The following MRPL15 variants were observed in gnomAD, a reference collection of about 807,000 sequenced individuals.
MRPL15 encodes mitochondrial ribosomal protein L15, also known as large ribosomal subunit protein uL15m.
Under a neutral mutation model 28.0 loss-of-function variants are expected in MRPL15, and 24 were observed. The observed-to-expected ratio is 0.86, with a 90% CI of 0.62 to 1.21. The LOEUF is 1.21. Among genes scored for constraint, MRPL15 ranks in the 50% most tolerant of loss-of-function variants. The pLI is 0.00. For synonymous variants in MRPL15, 124 were observed against 137.0 expected (o/e 0.90, Z 0.66); for missense variants, 343 against 372.4 (o/e 0.92, Z 0.65).
chr8:54,142,654 A>G lies in MRPL15; in HGVS notation c.430-9A>G, dbSNP rs763752575. The G allele has an allele frequency of 3.7e-6, 6 of 1,611,242 alleles. No homozygotes were observed. Among genetic ancestry groups the G allele is most frequent in the South Asian group, 1.1e-5 (1 of 90,044 alleles). On this transcript the variant is annotated splice_polypyrimidine_tract_variant and intron_variant, in intron 3 of 4. Transcript: ENST00000260102. ...CTGTTTACCAACAGACTGTTTTGAC[A>G]TATTTCAGGGTGCTGACACCTTTAC...
intron 3 of MRPL15, among the ~76,000 whole-genome samples, chr8:54,141,075 A>G (rs1338572971): frequency 1.3e-5 from 2 of 152,166 alleles, no homozygotes; most frequent in East Asian, 1.9e-4. Flanking sequence ...TCCAGCCTGC[A>G]TATTCCCCTG....
At position 54,136,371 on chromosome 8, in the gene MRPL15, A is replaced by G. The variant is rs575413906; in HGVS notation, c.109-140A>G. On this transcript the variant is annotated intron_variant, in intron 1 of 4. Transcript: ENST00000260102. ...TAACAGAGTGTGTGGAGCTTTGAGC[A>G]ACTAGGACATGCTTGACACAATAGT... 2.1e-5 allele frequency: 18 copies of G among 859,272 alleles called. No individual in the cohort carries two copies. In the South Asian group the frequency reaches 3.3e-4, roughly 16 times the overall value. The allele number at this position is 859,272 out of a possible 1,614,324, so 53.2% of individuals were successfully genotyped here. A position where few individuals can be genotyped will look rare whatever the true frequency, so the allele number is the denominator to read the frequency against.
At chr8:54,139,662 A>C (rs1289966186) in intron 3 of MRPL15, among the ~76,000 whole-genome samples, 2 of 152,234 alleles carry the variant, frequency 1.3e-5, no homozygotes, top group Non-Finnish European at 2.9e-5. Context: ...AGTAATTGCA[A>C]TGACACATTA....
At chr8:54,139,639 A>G (rs1810886539) in intron 3 of MRPL15, among the ~76,000 whole-genome samples, 1 of 152,170 alleles carries the variant, frequency 6.6e-6, no homozygotes, top group Non-Finnish European at 1.5e-5. Flanking sequence ...ACTTTACCCC[A>G]GGGCACTGGT....
At position 54,136,674 on chromosome 8, in the gene MRPL15, G is replaced by T; in HGVS notation, c.263+9G>T. On this transcript the variant is annotated intron_variant, in intron 2 of 4. Coordinates refer to ENST00000260102, the MANE Select transcript of MRPL15 (RefSeq NM_014175.4). Reference sequence around the variant, plus strand: ...TTTAACGAAGGACATAGGTAAGGTTGCTTTGCTTTTTAAAGTACAGGTCCC... The same window carrying T: ...TTTAACGAAGGACATAGGTAAGGTTTCTTTGCTTTTTAAAGTACAGGTCCC... The T allele has an allele frequency of 1.2e-6, 2 of 1,605,972 alleles. No individual in the cohort carries two copies. Among genetic ancestry groups the T allele is most frequent in the Non-Finnish European group, 1.7e-6 (2 of 1,175,536 alleles).
At position 54,148,414 on chromosome 8, in the gene MRPL15, T is replaced by G. The variant is rs1320161504; in HGVS notation, c.*695T>G. Among the ~76,000 whole-genome samples the G allele has an allele frequency of 6.6e-6, 1 of 152,246 alleles. No homozygotes were observed. Among genetic ancestry groups the G allele is most frequent in the Non-Finnish European group, 1.5e-5 (1 of 68,038 alleles). On this transcript the variant is annotated 3_prime_UTR_variant, in exon 5 of 5. Transcript: ENST00000260102. ...CCTTTTGTTCTCTGACCTGGGGTTC[T>G]TGGCCTCACGGATTCCAAAGAATGG...
Position 54,147,686 on chromosome 8 carries a change from A to G in MRPL15, c.858A>G (p.Thr286=). Reference sequence around the variant, plus strand: ...CCGATAAGAAAATCCTAAAACCTACAGATGAAAATCTCCTTAAGTATTATA... The same window carrying G: ...CCGATAAGAAAATCCTAAAACCTACGGATGAAAATCTCCTTAAGTATTATA... The part of the protein sequence containing the change: ...NMADKKILKP[T]DENLLKYYTS The change falls in exon 5 of 5, where the codon ACA becomes ACG. Residue 286 remains threonine (T), a synonymous_variant. Transcript: ENST00000260102. 1 of 1,613,608 alleles carries G rather than the reference A, an allele frequency of 6.2e-7. No individual in the cohort carries two copies.
At chr8:54,136,787 G>A (rs1179596105) in intron 2 of MRPL15, 122 bp downstream of exon 2, 7 of 1,233,302 alleles carry the variant, frequency 5.7e-6, no homozygotes, top group Admixed American at 2.7e-5. Flanking sequence ...TTTTGCTACT[G>A]TTCCCCTGAA....
At chr8:54,142,884 T>A (rs977768923) in intron 4 of MRPL15, 98 bp downstream of exon 4, 1 of 1,484,200 alleles carries the variant, frequency 6.7e-7, no homozygotes, top group African/African-American at 1.4e-5. Flanking sequence ...TGGTAGTAGT[T>A]TGGATGTAGT....
chr8:54,140,327 G>A (rs1197965612), intron 3 of MRPL15, among the ~76,000 whole-genome samples: 1 of 151,670 alleles, frequency 6.6e-6, no homozygotes, highest in African/African-American at 2.4e-5. Flanking sequence ...GCACAATCTC[G>A]ACTCACTGCA....
At chr8:54,141,854 A>ATT (rs11438921) in intron 3 of MRPL15, among the ~76,000 whole-genome samples, 41,790 of 139,852 alleles carry the variant, frequency 0.3, 7,998 homozygotes, top group East Asian at 0.72. Context: ...TGTTGTATTG[A>ATT]TTTTTTTTTT....
Position 54,147,847 on chromosome 8 carries a change from A to G in MRPL15, c.*128A>G. The G allele has an allele frequency of 1.3e-6, 1 of 784,120 alleles. No individual in the cohort carries two copies. Among genetic ancestry groups the G allele is most frequent in the Non-Finnish European group, 2.0e-6 (1 of 510,186 alleles). 48.6% of individuals were successfully genotyped at this position (784,120 alleles called of 1,614,324 possible). A position where few individuals can be genotyped will look rare whatever the true frequency, so the allele number is the denominator to read the frequency against. ...TGATGTTACTTTTCAGTGTACTCAT[A>G]TGTCTCATTTTCATCTAAAATTAAA... On this transcript the variant is annotated 3_prime_UTR_variant, in exon 5 of 5. Transcript: ENST00000260102.
chr8:54,147,093 G>T (rs953014470), intron 4 of MRPL15, among the ~76,000 whole-genome samples: 1 of 152,068 alleles, frequency 6.6e-6, no homozygotes, highest in Non-Finnish European at 1.5e-5. Flanking sequence ...TGATCCGGGC[G>T]TGGCGGCATG....
Position 54,147,728 on chromosome 8 carries a change from C to A in MRPL15, c.*9C>A. ...AGTATTATACCTCATGAATTCCCGT[C>A]CAAGGAAGCAGAGTTGTTAAAGAGT... On this transcript the variant is annotated 3_prime_UTR_variant, in exon 5 of 5. Transcript: ENST00000260102. 6.3e-7 allele frequency: 1 copy of A among 1,592,644 alleles called. No individual in the cohort carries two copies. Among genetic ancestry groups the A allele is most frequent in the South Asian group, 1.1e-5 (1 of 87,998 alleles).
At chr8:54,140,550 C>A (rs1001921941) in intron 3 of MRPL15, among the ~76,000 whole-genome samples, 1 of 146,904 alleles carries the variant, frequency 6.8e-6, no homozygotes, top group African/African-American at 2.5e-5. Flanking sequence ...TCACCGCACC[C>A]GGCCTAGAAC....
chr8:54,145,122 TA>T (rs1313931461), intron 4 of MRPL15, among the ~76,000 whole-genome samples: 1 of 152,216 alleles, frequency 6.6e-6, no homozygotes, highest in Non-Finnish European at 1.5e-5. Context: ...TCTTTTTGTT[TA>T]AAAAAGTAAT....
At chr8:54,135,567 GTTCT>G (rs1810813909) in intron 1 of MRPL15, among the ~76,000 whole-genome samples, 176 bp downstream of exon 1, 1 of 121,330 alleles carries the variant, frequency 8.2e-6, no homozygotes. Flanking sequence ...CGTGCACCCA[GTTCT>G]TTTTTTTTTT....
chr8:54,147,545 G>A lies in MRPL15; in HGVS notation c.717G>A (p.Lys239=), dbSNP rs1368075682. Residue 239 remains lysine (K), a synonymous_variant, in exon 5 of 5, where the codon AAG becomes AAA. Coordinates refer to ENST00000260102, the MANE Select transcript of MRPL15 (RefSeq NM_014175.4). ...FPEARLELAR[K]YGYILPDITK... ...AAGCACGACTTGAACTCGCCAGGAA[G>A]TATGGTTATATCTTACCTGATATCA... 6.2e-7 allele frequency: 1 copy of A among 1,614,182 alleles called. No homozygotes were observed. The highest frequency in any genetic ancestry group is 1.3e-5 in the African/African-American group (1 of 75,052).
At chr8:54,143,792 C>T (rs1810971621) in intron 4 of MRPL15, among the ~76,000 whole-genome samples, 1 of 152,222 alleles carries the variant, frequency 6.6e-6, no homozygotes, top group South Asian at 2.1e-4. Flanking sequence ...TACTGGCCAC[C>T]GGGTTTGGCC....
Sources: allele counts gnomAD v4.1 joint callset (sites outside exome capture counted in the v4.1 genomes callset), GRCh38; gene constraint gnomAD v4.1.1; transcripts MANE v1.5; gene names NCBI Gene and HGNC (gene_info 2026-07-23, HGNC 2026-07-21).